DPP6: variants seen among roughly 807,000 people sequenced by gnomAD.
DPP6 encodes the protein dipeptidyl peptidase like 6.
Under a neutral mutation model 122.6 loss-of-function variants are expected in DPP6, and 69 were observed. The ratio of observed to expected loss-of-function variants is 0.56; its 90% CI spans 0.46 to 0.69. DPP6 has a LOEUF of 0.69. Among genes scored for constraint, DPP6 ranks in the 30% least tolerant of loss-of-function variants. The probability of loss-of-function intolerance (pLI) is 0.00; values close to 1 mark genes in which losing one functional copy is unlikely to be tolerated. For missense variants in DPP6, 928 were observed against 1,116.9 expected, an observed-to-expected ratio of 0.83 and a Z score of 2.41; for synonymous variants, 418 against 433.1, an observed-to-expected ratio of 0.97 and a Z score of 0.43.
chr7:154,024,894 G>T (rs1218966157), intron 1 of DPP6, among the ~76,000 whole-genome samples: 1 of 152,128 alleles, frequency 6.6e-6, no homozygotes, highest in Non-Finnish European at 1.5e-5. Context: ...CATTTATGTG[G>T]CACGAGCTGG....
Position 154,860,438 on chromosome 7 carries a change from AC to A in DPP6, c.1714+6615del, listed in dbSNP as rs761250644. On this transcript the variant is annotated intron_variant, in intron 17 of 25. Coordinates refer to ENST00000377770, the MANE Select transcript of DPP6 (RefSeq NM_130797.4). ...CGCTGTGCAGAGAATGGATGGAAGG[AC>A]CCCAGGTTGCAGACAGGAGGGCTGC... Among the ~76,000 whole-genome samples, 178 of 152,212 alleles carry A rather than the reference AC, an allele frequency of 1.2e-3. 1 individual carries two copies. The highest frequency in any genetic ancestry group is 6.9e-4 in the Non-Finnish European group (47 of 68,018).
intron 10 of DPP6, among the ~76,000 whole-genome samples, chr7:154,790,857 G>C (rs1320745572): frequency 7.1e-6 from 1 of 140,182 alleles, no homozygotes; most frequent in Non-Finnish European, 1.6e-5. Context: ...GGGAGGGGAG[G>C]GGAGGGAGGG....
At chr7:154,320,465 A>G (rs78214418) in intron 1 of DPP6, among the ~76,000 whole-genome samples, 1,462 of 115,832 alleles carry the variant, frequency 0.013, 36 homozygotes, top group East Asian at 0.094. Flanking sequence ...AAAATAGCCA[A>G]TTGTACTTTG....
chr7:154,147,857 A>C (rs1036759686), intron 1 of DPP6, among the ~76,000 whole-genome samples: 2 of 151,970 alleles, frequency 1.3e-5, no homozygotes, highest in African/African-American at 4.8e-5. Context: ...TAATTTCTGT[A>C]TTTGATTTTT....
At chr7:153,975,238 G>GT (rs200448541) in intron 1 of DPP6, among the ~76,000 whole-genome samples, 3 of 16,694 alleles carry the variant, frequency 1.8e-4, no homozygotes, top group African/African-American at 4.1e-4. Context: ...AGAATTCTTA[G>GT]TTTAAAAAAA....
At chr7:154,255,763 C>T (rs79602290) in intron 1 of DPP6, among the ~76,000 whole-genome samples, 1,544 of 152,320 alleles carry the variant, frequency 0.01, 24 homozygotes, top group African/African-American at 0.035. Flanking sequence ...TATTGTTTCA[C>T]AATGCTTTGA....
intron 1 of DPP6, among the ~76,000 whole-genome samples, chr7:154,422,926 A>G (rs1430479649): frequency 3.3e-5 from 5 of 152,122 alleles, no homozygotes; most frequent in Non-Finnish European, 5.9e-5. Context: ...AAAACGTTCA[A>G]TGTGCTTGGT....
At chr7:154,295,019 A>G (rs1226577788) in intron 1 of DPP6, among the ~76,000 whole-genome samples, 2 of 152,226 alleles carry the variant, frequency 1.3e-5, no homozygotes, top group East Asian at 3.9e-4. Flanking sequence ...TCGAGGGCCA[A>G]CCTGTGGGCA....
chr7:154,332,501 A>G (rs1379506777), intron 1 of DPP6, among the ~76,000 whole-genome samples: 2 of 152,190 alleles, frequency 1.3e-5, no homozygotes, highest in Non-Finnish European at 2.9e-5. Context: ...CATGCAGTTG[A>G]TGTTGGTCCA....
the DPP6 span, among the ~76,000 whole-genome samples, chr7:153,808,369 A>T: frequency 7.5e-6 from 1 of 132,850 alleles, no homozygotes; most frequent in African/African-American, 2.9e-5. Context: ...GCATGCCTGT[A>T]TGTGTGCCTG....
chr7:153,892,540 C>T (rs1799247515), intron 1 of DPP6, among the ~76,000 whole-genome samples: 1 of 152,180 alleles, frequency 6.6e-6, no homozygotes, highest in African/African-American at 2.4e-5. Flanking sequence ...TCTCAAACTC[C>T]TGACGTCAGG....
intron 4 of DPP6, among the ~76,000 whole-genome samples, chr7:154,565,939 G>A (rs1030165014): frequency 5.9e-5 from 9 of 152,328 alleles, no homozygotes; most frequent in African/African-American, 2.2e-4. Context: ...GTGGGTGTGG[G>A]TATCTGTGGA....
At chr7:154,623,565 GCACACACACACGCACGCA>G (rs1462010387) in intron 5 of DPP6, among the ~76,000 whole-genome samples, 4 of 148,938 alleles carry the variant, frequency 2.7e-5, no homozygotes, top group South Asian at 2.1e-4. Context: ...CACGCAACAC[GCACACACACACGCACGCA>G]CACGCGCACA....
chr7:153,892,318 A>AT (rs5888534), intron 1 of DPP6, among the ~76,000 whole-genome samples: 2,600 of 148,774 alleles, frequency 0.017, 36 homozygotes, highest in Middle Eastern at 0.046. Context: ...AGCTTCTATT[A>AT]TTTTTTTTTT....
intron 3 of DPP6, among the ~76,000 whole-genome samples, chr7:154,518,764 T>G (rs10259228): frequency 0.18 from 26,701 of 152,114 alleles, 2,478 homozygotes; most frequent in Non-Finnish European, 0.2. Flanking sequence ...CGCTTCATAC[T>G]TAGCAGGACC....
intron 18 of DPP6, among the ~76,000 whole-genome samples, chr7:154,871,127 C>T (rs1804355685): frequency 6.6e-6 from 1 of 152,232 alleles, no homozygotes; most frequent in Non-Finnish European, 1.5e-5. Context: ...CTCCTTAGGC[C>T]TGGCCTCCTC....
the DPP6 span, among the ~76,000 whole-genome samples, chr7:153,803,225 GCAAA>G: frequency 1.3e-5 from 2 of 148,212 alleles, no homozygotes; most frequent in Non-Finnish European, 3.0e-5. Context: ...CCTGGCATAT[GCAAA>G]CAGTGACGGT....
At chr7:153,859,873 T>G in the DPP6 span, among the ~76,000 whole-genome samples, 4 of 152,048 alleles carry the variant, frequency 2.6e-5, no homozygotes, top group Non-Finnish European at 5.9e-5. Flanking sequence ...GAGAACTCAC[T>G]CAATATCATG....
intron 1 of DPP6, among the ~76,000 whole-genome samples, chr7:154,262,519 G>T (rs566377981): frequency 6.6e-6 from 1 of 152,020 alleles, no homozygotes; most frequent in East Asian, 1.9e-4. Flanking sequence ...CAGCCCAGCC[G>T]GCTCCTTGAT....
Sources: gnomAD v4.1 joint callset for allele counts (sites outside exome capture counted in the v4.1 genomes callset) on GRCh38, gnomAD v4.1.1 for gene constraint, MANE v1.5 for transcripts, NCBI Gene and HGNC (gene_info 2026-07-23, HGNC 2026-07-21) for gene names.